The following VPS53 variants were observed in gnomAD, a reference collection of about 807,000 sequenced individuals.
VPS53 encodes the protein VPS53 subunit of GARP complex.
Under a neutral mutation model 107.0 loss-of-function variants are expected in VPS53, and 70 were observed. The observed-to-expected ratio is 0.65, with a 90% CI of 0.54 to 0.80. The LOEUF (loss-of-function observed/expected upper bound fraction) is 0.80. Ranked by LOEUF, VPS53 falls within the 30% of genes least tolerant of loss-of-function variation. VPS53 has a pLI of 0.00. For missense variants in VPS53, 917 were observed against 1,049.4 expected (o/e 0.87, Z 1.74); for synonymous variants, 409 against 393.3 (o/e 1.04, Z -0.47).
chr17:530,787 T>C (rs998541510), intron 19 of VPS53, among the ~76,000 whole-genome samples: 3 of 152,184 alleles, frequency 2.0e-5, no homozygotes, highest in Non-Finnish European at 4.4e-5. Context: ...ATGATCAATA[T>C]TGGTGTGGGT....
intron 7 of VPS53, among the ~76,000 whole-genome samples, chr17:642,402 C>A (rs138344930): frequency 2.8e-5 from 4 of 141,122 alleles, no homozygotes; most frequent in Non-Finnish European, 6.2e-5. Flanking sequence ...TACTCGGAAA[C>A]CGAGGACAAC....
intron 12 of VPS53, among the ~76,000 whole-genome samples, chr17:591,043 C>T (rs1471043457): frequency 6.6e-6 from 1 of 152,048 alleles, no homozygotes; most frequent in African/African-American, 2.4e-5. Flanking sequence ...TTGATTATTG[C>T]CACAATTTCA....
Position 519,083 on chromosome 17 carries a change from G to T in VPS53, c.*45C>A. On this transcript the variant is annotated 3_prime_UTR_variant, in exon 22 of 22. Transcript: ENST00000437048. This position sits in a 1 kb window ranked among gnomAD's most constrained non-coding sequence, Gnocchi z 5.0. ...AGAGGTTGGGGGCTTCTGGGGAACG[G>T]GCGCTGAGGGTCTCCAGCCAGGAGC... 1 of 1,458,686 alleles carries T rather than the reference G, an allele frequency of 6.9e-7. No individual in the cohort carries two copies. Among genetic ancestry groups the T allele is most frequent in the Non-Finnish European group, 9.1e-7 (1 of 1,101,048 alleles). 90.4% of individuals were successfully genotyped at this position (1,458,686 alleles called of 1,614,324 possible). A position where few individuals can be genotyped will look rare whatever the true frequency, so the allele number is the denominator to read the frequency against.
chr17:556,926 C>CTCTCTGCTGAAGGGGGATGGCCA (rs1912462616), intron 15 of VPS53, among the ~76,000 whole-genome samples: 1 of 140,492 alleles, frequency 7.1e-6, no homozygotes, highest in African/African-American at 2.6e-5. Flanking sequence ...GGGGGGTGGC[C>CTCTCTGCTGAAGGGGGATGGCCA]AGGAGGGGCT....
intron 19 of VPS53, 51 bp downstream of exon 19, chr17:532,791 G>A (rs771976287): frequency 6.2e-7 from 1 of 1,607,362 alleles, no homozygotes; most frequent in Non-Finnish European, 8.5e-7. Flanking sequence ...ATATGTGCTT[G>A]ATCTACAACA....
chr17:542,942 C>T (rs1471318740), intron 17 of VPS53, among the ~76,000 whole-genome samples: 4 of 148,588 alleles, frequency 2.7e-5, no homozygotes, highest in Non-Finnish European at 4.4e-5. Context: ...CACGCCACTG[C>T]ACTCCAGCCT....
At position 628,003 on chromosome 17, in the gene VPS53, C is replaced by T. The variant is rs373660782; in HGVS notation, c.831+85G>A. The T allele has an allele frequency of 2.6e-4, 338 of 1,322,456 alleles. 2 individuals are homozygous for T. The Middle Eastern group carries it at 4.5e-3, about 18-fold the overall frequency. 81.9% of individuals were successfully genotyped at this position (1,322,456 alleles called of 1,614,324 possible). A position where few individuals can be genotyped will look rare whatever the true frequency, so the allele number is the denominator to read the frequency against. On this transcript the variant is annotated intron_variant, in intron 9 of 21. Coordinates refer to ENST00000437048, the MANE Select transcript of VPS53 (RefSeq NM_001128159.3). ...AACACTGTCAGACAGTCATGTAATA[C>T]GAGGTCTAAATTAGTAGGCTTGACA...
At chr17:707,567 G>A (rs1973461695) in intron 2 of VPS53, among the ~76,000 whole-genome samples, 2 of 151,370 alleles carry the variant, frequency 1.3e-5, no homozygotes, top group Non-Finnish European at 2.9e-5. Context: ...AAAATATTTG[G>A]GCCAGGTGCA....
chr17:674,296 G>A (rs1393410262), intron 4 of VPS53: 6 of 152,166 alleles, frequency 3.9e-5, no homozygotes, highest in East Asian at 1.9e-4. Context: ...TGCCAAGTTC[G>A]AGGTTATTGA....
intron 13 of VPS53, among the ~76,000 whole-genome samples, chr17:572,061 C>T (rs1324038444): frequency 6.1e-5 from 9 of 146,618 alleles, no homozygotes; most frequent in Non-Finnish European, 1.4e-4. Flanking sequence ...AAGTGAGGAG[C>T]GTCTCTGCCC....
intron 4 of VPS53, among the ~76,000 whole-genome samples, chr17:682,235 T>G (rs7207469): frequency 0.099 from 15,021 of 152,072 alleles, 822 homozygotes; most frequent in East Asian, 0.21. Flanking sequence ...GTGTGGGATT[T>G]GAAATTGAAT....
intron 13 of VPS53, among the ~76,000 whole-genome samples, chr17:569,755 C>T (rs1233520705): frequency 2.6e-5 from 4 of 151,802 alleles, no homozygotes; most frequent in Admixed American, 6.6e-5. Context: ...CCCGTCTCTA[C>T]TAAAAATACA....
At chr17:658,234 G>A (rs202043067) in intron 5 of VPS53, among the ~76,000 whole-genome samples, 3,856 of 54,554 alleles carry the variant, frequency 0.071, 89 homozygotes, top group Non-Finnish European at 0.11. Flanking sequence ...TGAGACACTC[G>A]GCCGTGAGTT....
At chr17:662,862 GAAGGAAGGAA>G (rs1971524402) in intron 4 of VPS53, among the ~76,000 whole-genome samples, 18 of 106,590 alleles carry the variant, frequency 1.7e-4, no homozygotes, top group Non-Finnish European at 3.5e-4. Context: ...AGGAAGGAAG[GAAGGAAGGAA>G]CGAAGGAAGG....
At chr17:643,338 C>G (rs1459300217) in intron 7 of VPS53, among the ~76,000 whole-genome samples, 1 of 136,806 alleles carries the variant, frequency 7.3e-6, no homozygotes, top group East Asian at 2.2e-4. Flanking sequence ...TACTTGGCAA[C>G]TGAGGACAAC....
chr17:612,041 CA>C (rs1210047326), intron 11 of VPS53, among the ~76,000 whole-genome samples: 2 of 148,474 alleles, frequency 1.3e-5, no homozygotes, highest in Non-Finnish European at 3.0e-5. Flanking sequence ...CAAATATTCA[CA>C]GTGAGTTCAC....
At chr17:525,007 A>G (rs8064590) in intron 19 of VPS53, among the ~76,000 whole-genome samples, 5,850 of 152,360 alleles carry the variant, frequency 0.038, 353 homozygotes, top group East Asian at 0.23. Flanking sequence ...TTATAAAAGC[A>G]AAAGTTTGGA....
intron 19 of VPS53, chr17:523,561 G>A (rs1289898494): frequency 6.6e-6 from 1 of 152,198 alleles, no homozygotes; most frequent in Non-Finnish European, 1.5e-5. Flanking sequence ...GAACTTAAGG[G>A]TTATGGCAAT....
At chr17:666,209 T>G (rs1475118247) in intron 4 of VPS53, among the ~76,000 whole-genome samples, 2 of 152,238 alleles carry the variant, frequency 1.3e-5, no homozygotes, top group Middle Eastern at 3.4e-3. Flanking sequence ...GGCTGACCCT[T>G]GGGCATGCCA....
Sources: allele counts gnomAD v4.1 joint callset (sites outside exome capture counted in the v4.1 genomes callset), GRCh38; gene constraint gnomAD v4.1.1; non-coding constraint Gnocchi (gnomAD v3.1); transcripts MANE v1.5; gene names NCBI Gene and HGNC (gene_info 2026-07-23, HGNC 2026-07-21).